GK5: variants seen among roughly 807,000 people sequenced by gnomAD.
GK5 encodes the protein ATP:glycerol 3-phosphotransferase 5.
Under a neutral mutation model 77.3 loss-of-function variants are expected in GK5, and 39 were observed. That is an observed-to-expected ratio of 0.50 (90% CI 0.39 to 0.66). The LOEUF (loss-of-function observed/expected upper bound fraction) is 0.66, where lower values mean the gene tolerates loss of function less well. GK5 is among the 30% of genes least tolerant of loss of function. GK5 has a pLI of 0.00. For synonymous variants in GK5, 211 were observed against 208.0 expected (o/e 1.01, Z -0.13); for missense variants, 487 against 633.8 (o/e 0.77, Z 2.49).
intron 3 of GK5, among the ~76,000 whole-genome samples, chr3:142,206,377 C>A (rs1166772095): frequency 6.6e-6 from 1 of 152,180 alleles, no homozygotes; most frequent in Non-Finnish European, 1.5e-5. Flanking sequence ...ACATTTCTAC[C>A]AGTAATGTAT....
chr3:142,225,483 G>C lies in GK5; in HGVS notation c.-28C>G, dbSNP rs370528058. The C allele has an allele frequency of 1.1e-4, 170 of 1,595,612 alleles. No individual in the cohort carries two copies. The highest frequency in any genetic ancestry group is 1.7e-4 in the Middle Eastern group (1 of 5,732). On this transcript the variant is annotated 5_prime_UTR_variant, in exon 1 of 16. Transcript: ENST00000392993. ...CGATCCCGCACGCCTCTCCGCTACAGCCGCCTACCCAGAGGGCGCGCTACA... is the reference window on the plus strand; with the variant it reads ...CGATCCCGCACGCCTCTCCGCTACACCCGCCTACCCAGAGGGCGCGCTACA...
chr3:142,183,163 T>C (rs949591753), intron 9 of GK5, 114 bp from the exon 10 acceptor site: 56 of 961,402 alleles, frequency 5.8e-5, no homozygotes, highest in African/African-American at 2.3e-4. Context: ...TTCTTTTTCC[T>C]TTTCCTTAAA....
At chr3:142,187,964 G>A (rs2063795789) in intron 5 of GK5, among the ~76,000 whole-genome samples, 185 bp from the exon 6 acceptor site, 1 of 152,082 alleles carries the variant, frequency 6.6e-6, no homozygotes, top group African/African-American at 2.4e-5. Context: ...ATCTAGCCAG[G>A]GGAGAGAGGG....
intron 8 of GK5, 70 bp downstream of exon 8, chr3:142,186,124 C>T: frequency 4.1e-6 from 5 of 1,222,874 alleles, no homozygotes; most frequent in Non-Finnish European, 6.0e-6. Flanking sequence ...TAATAAAATG[C>T]TTTTCCCCAC....
At chr3:142,199,321 T>C (rs2107788078) in intron 4 of GK5, among the ~76,000 whole-genome samples, 1 of 152,286 alleles carries the variant, frequency 6.6e-6, no homozygotes, top group East Asian at 1.9e-4. Context: ...TTAAGTTTAT[T>C]GCAGGCCTCC....
intron 3 of GK5, among the ~76,000 whole-genome samples, chr3:142,210,843 C>T (rs2064180169): frequency 6.6e-6 from 1 of 152,220 alleles, no homozygotes; most frequent in Non-Finnish European, 1.5e-5. Flanking sequence ...GATATGGTAG[C>T]CAGGTCCTGA....
rs2063632185 is a variant in GK5, at chr3:142,177,464, A to G, written c.1143+18T>C. The stretch of plus-strand genomic sequence containing the variant: ...AGAAAAATATTTGTGATTGCCATTA[A>G]CTTTAAAAAATACATACCTGTAATC... On this transcript the variant is annotated intron_variant, in intron 12 of 15. Transcript: ENST00000392993. The G allele has an allele frequency of 1.4e-6, 2 of 1,408,478 alleles. No individual in the cohort carries two copies. The highest frequency in any genetic ancestry group is 3.8e-5 in the Admixed American group (2 of 52,768). The allele number at this position is 1,408,478 out of a possible 1,614,324, so 87.2% of individuals were successfully genotyped here. A position where few individuals can be genotyped will look rare whatever the true frequency, so the allele number is the denominator to read the frequency against.
intron 1 of GK5, 76 bp downstream of exon 1, chr3:142,225,233 C>T: frequency 7.1e-7 from 1 of 1,413,676 alleles, no homozygotes; most frequent in Non-Finnish European, 9.3e-7. Context: ...GGCCTGCCCG[C>T]TCGCCTCCCG....
At position 142,225,438 on chromosome 3, in the gene GK5, C is replaced by A. The variant is rs770198752; in HGVS notation, c.18G>T (p.Thr6=). The A allele has an allele frequency of 1.9e-6, 3 of 1,602,728 alleles. No homozygotes were observed. The East Asian group carries it at 6.7e-5, about 36-fold the overall frequency. Residue 6 remains threonine, a synonymous_variant, in exon 1 of 16, where the codon ACG becomes ACT. Coordinates refer to ENST00000392993, the MANE Select transcript of GK5 (RefSeq NM_001039547.3). ...GCTCCTGCGCTCTCTGCTCCGGGTC[C>A]GTGAGCAGCCCCGACATCCCGATCC... The part of the protein sequence containing the change: MSGLL[T]DPEQRAQEPR...
intron 1 of GK5, among the ~76,000 whole-genome samples, chr3:142,218,117 T>C (rs2064297440): frequency 6.6e-6 from 1 of 150,568 alleles, no homozygotes; most frequent in African/African-American, 2.4e-5. Flanking sequence ...AGTCCAGAAA[T>C]AGACTCACAC....
intron 9 of GK5, chr3:142,184,770 A>G: frequency 1.5e-6 from 1 of 686,996 alleles, no homozygotes; most frequent in Non-Finnish European, 1.8e-6. Context: ...CGAGAGGCGG[A>G]GGTCACAGTG....
At chr3:142,171,579 TGA>T in intron 13 of GK5, 101 bp from the exon 14 acceptor site, 2 of 848,706 alleles carry the variant, frequency 2.4e-6, no homozygotes, top group South Asian at 2.8e-5. Flanking sequence ...TTTATTTATT[TGA>T]TATTTATAAA....
chr3:142,169,563 G>A (rs1431161345), intron 15 of GK5, among the ~76,000 whole-genome samples: 1 of 151,242 alleles, frequency 6.6e-6, no homozygotes, highest in Non-Finnish European at 1.5e-5. Context: ...TTTCCTTATT[G>A]TATTCAAAGT....
intron 3 of GK5, among the ~76,000 whole-genome samples, chr3:142,205,345 A>G (rs2064088817): frequency 6.6e-6 from 1 of 152,388 alleles, no homozygotes; most frequent in Admixed American, 6.5e-5. Context: ...GGCTCCCGCA[A>G]ATCAACCTCT....
At chr3:142,173,028 T>C (rs1048657868) in intron 12 of GK5, 7 of 279,224 alleles carry the variant, frequency 2.5e-5, no homozygotes, top group African/African-American at 1.5e-4. Flanking sequence ...CAAAGCAAGA[T>C]ACCACCTTTA....
intron 9 of GK5, chr3:142,185,671 C>G: frequency 3.8e-6 from 5 of 1,298,894 alleles, no homozygotes; most frequent in Non-Finnish European, 4.9e-6. Flanking sequence ...TTTAAGTTTT[C>G]TGATAAACAA....
At chr3:142,188,113 T>C (rs556598879) in intron 5 of GK5, among the ~76,000 whole-genome samples, 3 of 152,232 alleles carry the variant, frequency 2.0e-5, no homozygotes, top group Non-Finnish European at 2.9e-5. Flanking sequence ...CATACACTAG[T>C]CGGCTGGGTG....
At chr3:142,177,082 T>G (rs1314749373) in intron 12 of GK5, among the ~76,000 whole-genome samples, 1 of 152,226 alleles carries the variant, frequency 6.6e-6, no homozygotes, top group Admixed American at 6.5e-5. Flanking sequence ...TTTATCTTAA[T>G]TCTCAATGGC....
intron 12 of GK5, among the ~76,000 whole-genome samples, chr3:142,176,415 C>CA (rs1316979404): frequency 6.6e-6 from 1 of 150,536 alleles, no homozygotes; most frequent in Non-Finnish European, 1.5e-5. Flanking sequence ...TGAGCTTTCC[C>CA]AAAAAAAAGT....
Sources: gnomAD v4.1 joint callset for allele counts (sites outside exome capture counted in the v4.1 genomes callset) on GRCh38, gnomAD v4.1.1 for gene constraint, MANE v1.5 for transcripts, NCBI Gene and HGNC (gene_info 2026-07-23, HGNC 2026-07-21) for gene names.